The following PLA2R1 variants were observed in gnomAD, a reference collection of about 807,000 sequenced individuals.
PLA2R1 encodes secretory phospholipase A2 receptor.
In PLA2R1, 158 loss-of-function variants were observed where a neutral mutation model predicts 195.9. That is an observed-to-expected ratio of 0.81 (90% CI 0.71 to 0.92). PLA2R1 has a LOEUF of 0.92. Among genes scored for constraint, PLA2R1 ranks in the 40% least tolerant of loss-of-function variants. The pLI is 0.00. For missense variants in PLA2R1, 1,626 were observed against 1,764.6 expected (o/e 0.92, Z 1.41); for synonymous variants, 586 against 598.2 (o/e 0.98, Z 0.30).
chr2:159,970,063 A>G, intron 18 of PLA2R1, 85 bp downstream of exon 18: 1 of 874,586 alleles, frequency 1.1e-6, no homozygotes, highest in Non-Finnish European at 1.9e-6. Flanking sequence ...GGTATTCAAC[A>G]AATTGATCAC....
At position 160,034,226 on chromosome 2, in the gene PLA2R1, T is replaced by C. The variant is rs149709256; in HGVS notation, c.668-1094A>G. 4.6e-3 allele frequency among the ~76,000 whole-genome samples: 700 copies of C among 152,312 alleles called. 3 individuals carry two copies. Among genetic ancestry groups the C allele is most frequent in the African/African-American group, 0.016 (655 of 41,566 alleles). On this transcript the variant is annotated intron_variant, in intron 3 of 29. Transcript: ENST00000283243. ...ACAGTTAGATGGTCCCCTTGGGAAA[T>C]GTGGAAAGTTTATTTTCATGTCTGG...
intron 20 of PLA2R1, among the ~76,000 whole-genome samples, chr2:159,957,976 G>T (rs527324490): frequency 6.6e-6 from 1 of 152,082 alleles, no homozygotes; most frequent in South Asian, 2.1e-4. Flanking sequence ...CTAAGATCTC[G>T]CCACTACAGG....
chr2:160,061,127 G>T (rs1029611331), intron 1 of PLA2R1, among the ~76,000 whole-genome samples: 2 of 152,210 alleles, frequency 1.3e-5, no homozygotes, highest in Non-Finnish European at 2.9e-5. Context: ...ATCACATCTT[G>T]TGTTACCCCT....
intron 1 of PLA2R1, among the ~76,000 whole-genome samples, chr2:160,057,257 A>G (rs1695611302): frequency 6.6e-6 from 1 of 152,200 alleles, no homozygotes; most frequent in South Asian, 2.1e-4. Flanking sequence ...AGAGACAGAG[A>G]GAAACAGATA....
At chr2:160,003,256 A>G (rs969126963) in intron 11 of PLA2R1, among the ~76,000 whole-genome samples, 2 of 152,082 alleles carry the variant, frequency 1.3e-5, no homozygotes, top group African/African-American at 4.8e-5. Flanking sequence ...TTATATTTTT[A>G]TAATCTTTGG....
At position 160,044,841 on chromosome 2, in the gene PLA2R1, C is replaced by T. The variant is rs267598938; in HGVS notation, c.426G>A (p.Arg142=). The T allele has an allele frequency of 6.2e-7, 1 of 1,613,962 alleles. No individual in the cohort carries two copies. ...VAHDNTVVAS[R]KYIHKWISYG... The stretch of plus-strand genomic sequence containing the variant: ...AAGAAATCCACTTATGAATATACTT[C>T]CGTGAGGCCACCACTGTGTTGTCAT... Residue 142 remains arginine (R), a synonymous_variant, in exon 2 of 30, where the codon CGG becomes CGA. Transcript: ENST00000283243.
At chr2:159,976,888 A>G (rs1365065519) in intron 15 of PLA2R1, among the ~76,000 whole-genome samples, 168 bp from the exon 16 acceptor site, 1 of 152,212 alleles carries the variant, frequency 6.6e-6, no homozygotes, top group Non-Finnish European at 1.5e-5. Context: ...ACACTTGAAG[A>G]GGAAGCTCCA....
At chr2:159,949,963 A>AT (rs2125927900) in intron 24 of PLA2R1, among the ~76,000 whole-genome samples, 187 bp from the exon 25 acceptor site, 1 of 152,212 alleles carries the variant, frequency 6.6e-6, no homozygotes, top group South Asian at 2.1e-4. Flanking sequence ...ATCTTTTTTG[A>AT]TTTTTAGGAA....
At chr2:159,993,090 C>A (rs1207481026) in intron 11 of PLA2R1, among the ~76,000 whole-genome samples, 1 of 152,142 alleles carries the variant, frequency 6.6e-6, no homozygotes, top group Non-Finnish European at 1.5e-5. Context: ...CACCATAGAG[C>A]AACCTCCACT....
At chr2:160,012,133 C>T (rs1233951271) in intron 10 of PLA2R1, among the ~76,000 whole-genome samples, 1 of 152,124 alleles carries the variant, frequency 6.6e-6, no homozygotes, top group African/African-American at 2.4e-5. Flanking sequence ...ACAAATTAGG[C>T]TTATATGGGA....
At chr2:159,979,179 C>T (rs540363708) in intron 14 of PLA2R1, among the ~76,000 whole-genome samples, 4 of 152,228 alleles carry the variant, frequency 2.6e-5, no homozygotes, top group African/African-American at 7.2e-5. Flanking sequence ...TAGGATGGAT[C>T]CCACTTCAAT....
chr2:159,985,327 A>G (rs564104875), intron 12 of PLA2R1, among the ~76,000 whole-genome samples: 1 of 152,338 alleles, frequency 6.6e-6, no homozygotes, highest in South Asian at 2.1e-4. Context: ...GAGCTACAAC[A>G]GTTCCAGAGA....
At chr2:160,022,211 C>T (rs1389428534) in intron 7 of PLA2R1, among the ~76,000 whole-genome samples, 2 of 152,122 alleles carry the variant, frequency 1.3e-5, no homozygotes, top group Non-Finnish European at 2.9e-5. Context: ...GCCTAAAATT[C>T]CTATACATGG....
In PLA2R1 at chr2:160,042,135, T is replaced by C. The variant is rs1434317488; in HGVS notation, c.557A>G (p.His186Arg). ...ACGGGTACATTCATGATGCCACTGA[T>C]GGTTATACTGGAAGGGAAACATACA... ...MPCMFPFQYNHQWHHECTREG... is the reference protein window; with the variant it reads ...MPCMFPFQYNRQWHHECTREG... The change falls in exon 3 of 30, where the codon CAT (histidine) becomes CGT (arginine). Residue 186 changes from histidine to arginine, a missense_variant. Physicochemically the swap from His to Arg is conservative, Grantham distance 29 (BLOSUM62 0). Transcript: ENST00000283243. The C allele has an allele frequency of 6.2e-7, 1 of 1,614,070 alleles. No individual in the cohort carries two copies. The highest frequency in any genetic ancestry group is 1.3e-5 in the African/African-American group (1 of 75,076).
At chr2:159,969,083 T>G (rs1292253041) in intron 19 of PLA2R1, among the ~76,000 whole-genome samples, 173 bp downstream of exon 19, 1 of 152,122 alleles carries the variant, frequency 6.6e-6, no homozygotes, top group Non-Finnish European at 1.5e-5. Context: ...ATGCATGGAT[T>G]GAACAGAAAA....
At chr2:159,957,834 C>G (rs954893099) in intron 20 of PLA2R1, among the ~76,000 whole-genome samples, 2 of 152,072 alleles carry the variant, frequency 1.3e-5, no homozygotes, top group Admixed American at 6.6e-5. Context: ...ATGGATCAGG[C>G]AAAATTCCAG....
At chr2:160,016,202 T>C (rs1371816134) in intron 9 of PLA2R1, among the ~76,000 whole-genome samples, 1 of 146,398 alleles carries the variant, frequency 6.8e-6, no homozygotes, top group African/African-American at 2.5e-5. Context: ...AGGTGGAGGT[T>C]GCAGTGAGCT....
At chr2:160,012,217 A>C (rs181095302) in intron 10 of PLA2R1, among the ~76,000 whole-genome samples, 1 of 152,334 alleles carries the variant, frequency 6.6e-6, no homozygotes, top group East Asian at 1.9e-4. Context: ...TGGCCCAGGT[A>C]AATATGCAAG....
At chr2:159,947,605 AT>A (rs1560133993) in intron 25 of PLA2R1, 46 bp from the exon 26 acceptor site, 1 of 1,557,228 alleles carries the variant, frequency 6.4e-7, no homozygotes, top group Non-Finnish European at 8.8e-7. Flanking sequence ...GACTGGGTTT[AT>A]TTATTGAGAT....
Sources: allele counts gnomAD v4.1 joint callset (sites outside exome capture counted in the v4.1 genomes callset), GRCh38; gene constraint gnomAD v4.1.1; transcripts MANE v1.5; gene names NCBI Gene and HGNC (gene_info 2026-07-23, HGNC 2026-07-21).